The following FOXN3 variants were observed in gnomAD, a reference collection of about 807,000 sequenced individuals.
FOXN3 encodes the protein forkhead box protein N3.
In FOXN3, 7 loss-of-function variants were observed where a neutral mutation model predicts 38.4. The ratio of observed to expected loss-of-function variants is 0.18; its 90% CI spans 0.10 to 0.34. The LOEUF (loss-of-function observed/expected upper bound fraction) is 0.34, where lower values mean the gene tolerates loss of function less well. FOXN3 is among the 10% of genes least tolerant of loss of function. The pLI is 1.00. For missense variants in FOXN3, 456 were observed against 613.4 expected, an observed-to-expected ratio of 0.74 and a Z score of 2.71; for synonymous variants, 230 against 242.2, an observed-to-expected ratio of 0.95 and a Z score of 0.47.
At chr14:89,612,222 A>T (rs2139956784) in intron 1 of FOXN3, among the ~76,000 whole-genome samples, 1 of 152,306 alleles carries the variant, frequency 6.6e-6, no homozygotes, top group South Asian at 2.1e-4. Flanking sequence ...CAGTATTATT[A>T]AGCTAATATG....
intron 3 of FOXN3, among the ~76,000 whole-genome samples, chr14:89,286,993 G>C (rs1321919611): frequency 6.6e-6 from 1 of 152,118 alleles, no homozygotes; most frequent in African/African-American, 2.4e-5. Context: ...GTGGGATTTG[G>C]ACTCAGAAAT....
intron 1 of FOXN3, chr14:89,494,149 C>G (rs1893634821): frequency 6.6e-6 from 1 of 152,180 alleles, no homozygotes; most frequent in South Asian, 2.1e-4. Context: ...TGCATGCCGC[C>G]TGTCCACTGA....
At chr14:89,322,140 T>A (rs1227553064) in intron 3 of FOXN3, among the ~76,000 whole-genome samples, 1 of 152,222 alleles carries the variant, frequency 6.6e-6, no homozygotes, top group Non-Finnish European at 1.5e-5. Context: ...AGGGGCAGCA[T>A]GCCAGGGTTC....
chr14:89,386,322 T>C lies in FOXN3; in HGVS notation c.543+25612A>G, dbSNP rs559270162. Among the ~76,000 whole-genome samples, 158 of 152,368 alleles carry C rather than the reference T, an allele frequency of 1.0e-3. 1 individual carries two copies. Among genetic ancestry groups the C allele is most frequent in the Admixed American group, 9.8e-3 (150 of 15,308 alleles). ...ATCGAGGAGTGTGTCATCTGCTCTC[T>C]AGTGAAAGCAGGAGCACTGGAGTCA... On this transcript the variant is annotated intron_variant, in intron 2 of 5. Coordinates refer to ENST00000557258, the MANE Select transcript of FOXN3 (RefSeq NM_005197.4).
rs183088935 is a variant in FOXN3 at position 89,471,886 on chromosome 14, G to A, written c.-14-59396C>T. 4.2e-3 allele frequency among the ~76,000 whole-genome samples: 635 copies of A among 152,312 alleles called. 4 individuals are homozygous for A. The highest frequency in any genetic ancestry group is 0.015 in the African/African-American group (614 of 41,556). On this transcript the variant is annotated intron_variant, in intron 1 of 6. Coordinates refer to the FOXN3 transcript ENST00000345097. Reference sequence around the variant, plus strand: ...AGATGAGGAATGACCCATCAGCTTCGATCCAGGAATGGGAATAAAGATGAC... The same window carrying A: ...AGATGAGGAATGACCCATCAGCTTCAATCCAGGAATGGGAATAAAGATGAC...
At chr14:89,184,551 G>A (rs774280558) in intron 4 of FOXN3, among the ~76,000 whole-genome samples, 1 of 152,194 alleles carries the variant, frequency 6.6e-6, no homozygotes, top group African/African-American at 2.4e-5. Flanking sequence ...CTTGTCTCAC[G>A]GAACCCTCAG....
In FOXN3 at chr14:89,316,653, G is replaced by A. The variant is rs199894462; in HGVS notation, c.680+34019C>T. Among the ~76,000 whole-genome samples, 116 of 141,270 alleles carry A rather than the reference G, an allele frequency of 8.2e-4. No individual in the cohort carries two copies. In the East Asian group the frequency reaches 0.01, roughly 12 times the overall value. The allele number at this position is 141,270 out of a possible 152,430, so 92.7% of individuals were successfully genotyped here. The stretch of plus-strand genomic sequence containing the variant: ...TGGGATTACAGGCATGAGCCACTGC[G>A]CCCAGCCTATGATGAATTTTTTTTT... On this transcript the variant is annotated intron_variant, in intron 3 of 5. Coordinates refer to ENST00000557258, the MANE Select transcript of FOXN3 (RefSeq NM_005197.4).
chr14:89,593,641 T>G (rs115924764), intron 1 of FOXN3, among the ~76,000 whole-genome samples: 1,586 of 152,318 alleles, frequency 0.01, 30 homozygotes, highest in African/African-American at 0.034. Context: ...TTAGAGGGTT[T>G]TTTAAATATA....
chr14:89,227,828 C>G (rs1884688760), intron 4 of FOXN3, among the ~76,000 whole-genome samples: 2 of 152,188 alleles, frequency 1.3e-5, no homozygotes, highest in South Asian at 4.1e-4. Flanking sequence ...AGAACGGCCC[C>G]CAGCTGATAG....
At chr14:89,306,960 A>T (rs1363066395) in intron 3 of FOXN3, among the ~76,000 whole-genome samples, 1 of 152,250 alleles carries the variant, frequency 6.6e-6, no homozygotes, top group Non-Finnish European at 1.5e-5. Context: ...TGTGCTAAAC[A>T]GTTACTACAT....
intron 1 of FOXN3, among the ~76,000 whole-genome samples, chr14:89,464,388 G>T (rs1892926853): frequency 6.6e-6 from 1 of 152,108 alleles, no homozygotes; most frequent in East Asian, 1.9e-4. Flanking sequence ...TCCTTGAAAA[G>T]CAATCCTGGT....
intron 2 of FOXN3, among the ~76,000 whole-genome samples, chr14:89,383,089 T>C (rs1352982534): frequency 6.8e-6 from 1 of 147,330 alleles, no homozygotes; most frequent in Non-Finnish European, 1.5e-5. Flanking sequence ...ATCTGTGAAT[T>C]ACACTGCGGT....
At chr14:89,360,793 C>CTACCACCTCCAG (rs1889508304) in intron 2 of FOXN3, among the ~76,000 whole-genome samples, 4 of 93,284 alleles carry the variant, frequency 4.3e-5, no homozygotes, top group Non-Finnish European at 6.5e-5. Context: ...ACCTCCACCA[C>CTACCACCTCCAG]CACCACCTCC....
rs974832834 is a variant in FOXN3 at position 89,266,237 on chromosome 14, C to T, written c.745+14713G>A. Among the ~76,000 whole-genome samples the T allele has an allele frequency of 5.9e-5, 9 of 152,184 alleles. No homozygotes were observed. The South Asian group carries it at 8.3e-4, about 14-fold the overall frequency. On this transcript the variant is annotated intron_variant, in intron 4 of 5. Transcript: ENST00000557258. ...GACATCAAAGAGCAAAGAGGTGGCA[C>T]GTTTGGGTTCTCCTGAGGCTGTCTC...
chr14:89,399,766 C>A (rs570801523), intron 2 of FOXN3, among the ~76,000 whole-genome samples: 2 of 152,104 alleles, frequency 1.3e-5, no homozygotes, highest in Admixed American at 6.5e-5. Flanking sequence ...GCCGTGTGTG[C>A]GGCTCTACAT....
At chr14:89,325,258 A>G (rs1596185054) in intron 3 of FOXN3, among the ~76,000 whole-genome samples, 1 of 147,362 alleles carries the variant, frequency 6.8e-6, no homozygotes, top group African/African-American at 2.5e-5. Context: ...GACCACCACC[A>G]CCACCACCAT....
intron 1 of FOXN3, among the ~76,000 whole-genome samples, chr14:89,468,478 C>T (rs200243491): frequency 6.6e-6 from 1 of 151,002 alleles, no homozygotes; most frequent in Non-Finnish European, 1.5e-5. Flanking sequence ...CACACACATA[C>T]ACACACACAC....
chr14:89,424,622 A>C (rs1428970293), intron 1 of FOXN3, among the ~76,000 whole-genome samples: 3 of 152,010 alleles, frequency 2.0e-5, no homozygotes, highest in African/African-American at 7.3e-5. Flanking sequence ...TCACACCTAT[A>C]ATCTTAACAT....
chr14:89,485,739 G>C (rs151232798), intron 1 of FOXN3, among the ~76,000 whole-genome samples: 7 of 152,212 alleles, frequency 4.6e-5, no homozygotes, highest in African/African-American at 1.7e-4. Context: ...ATCCTTAAGG[G>C]ACCCCTGACG....
Sources: allele counts gnomAD v4.1 joint callset (sites outside exome capture counted in the v4.1 genomes callset), GRCh38; gene constraint gnomAD v4.1.1; transcripts MANE v1.5; gene names NCBI Gene and HGNC (gene_info 2026-07-23, HGNC 2026-07-21).